The following LRRC4C variants were observed in gnomAD, a reference collection of about 807,000 sequenced individuals.
LRRC4C encodes the protein leucine-rich repeat-containing protein 4C.
Under a neutral mutation model 33.6 loss-of-function variants are expected in LRRC4C, and 5 were observed. That is an observed-to-expected ratio of 0.15 (90% CI 0.08 to 0.31). The LOEUF (loss-of-function observed/expected upper bound fraction) is 0.31, where lower values mean the gene tolerates loss of function less well. Ranked by LOEUF, LRRC4C falls within the 10% of genes least tolerant of loss-of-function variation. LRRC4C has a pLI of 1.00. For missense variants in LRRC4C, 560 were observed against 796.7 expected, an observed-to-expected ratio of 0.70 and a Z score of 3.58; for synonymous variants, 329 against 302.0, an observed-to-expected ratio of 1.09 and a Z score of -0.93.
At chr11:41,144,383 A>G (rs1943642962) in intron 1 of LRRC4C, among the ~76,000 whole-genome samples, 6 of 152,174 alleles carry the variant, frequency 3.9e-5, no homozygotes. Context: ...TTGATTCCTA[A>G]TATTTTTTTC....
At chr11:40,751,402 A>C (rs1333415627) in intron 2 of LRRC4C, among the ~76,000 whole-genome samples, 1 of 152,160 alleles carries the variant, frequency 6.6e-6, no homozygotes, top group Non-Finnish European at 1.5e-5. Context: ...ATAGCTGATA[A>C]GCAAATTCAG....
In LRRC4C at chr11:40,898,353, C is replaced by CAAAAAAAAAAAAAAAAAAAAAAAAA. The variant is rs765252333; in HGVS notation, c.-407+35281_-407+35282insTTTTTTTTTTTTTTTTTTTTTTTTT. Among the ~76,000 whole-genome samples, 36 of 38,326 alleles carry CAAAAAAAAAAAAAAAAAAAAAAAAA rather than the reference C, an allele frequency of 9.4e-4. 1 individual carries two copies. The highest frequency in any genetic ancestry group is 2.9e-3 in the African/African-American group (28 of 9,568). The allele number at this position is 38,326 out of a possible 152,430, so 25.1% of individuals were successfully genotyped here. A position where few individuals can be genotyped will look rare whatever the true frequency, so the allele number is the denominator to read the frequency against. On this transcript the variant is annotated intron_variant, in intron 2 of 6. Coordinates refer to ENST00000528697, the MANE Select transcript of LRRC4C (RefSeq NM_001258419.2). Reference sequence around the variant, plus strand: ...GGGCAACAAGAGTGAAACTCCATCTCAAAAAAAAAAAAAAAAAAAGAAAAA... The same window carrying CAAAAAAAAAAAAAAAAAAAAAAAAA: ...GGGCAACAAGAGTGAAACTCCATCTCAAAAAAAAAAAAAAAAAAAAAAAAAAAAAAAAAAAAAAAAAAAAGAAAAA...
chr11:41,242,204 G>T, intron 1 of LRRC4C, among the ~76,000 whole-genome samples: 1 of 152,054 alleles, frequency 6.6e-6, no homozygotes, highest in East Asian at 1.9e-4. Flanking sequence ...TTCCAGTGTT[G>T]ATTTTTTTTT....
intron 5 of LRRC4C, among the ~76,000 whole-genome samples, chr11:40,214,522 A>C (rs908124862): frequency 6.6e-6 from 1 of 152,144 alleles, no homozygotes; most frequent in African/African-American, 2.4e-5. Flanking sequence ...AAAGCCCAAA[A>C]GTTACTGTAT....
intron 2 of LRRC4C, among the ~76,000 whole-genome samples, chr11:40,763,264 T>C (rs1949309713): frequency 6.6e-6 from 1 of 152,010 alleles, no homozygotes; most frequent in South Asian, 2.1e-4. Context: ...TTTAAATCCA[T>C]CCCATCTGGT....
At chr11:40,584,840 G>C (rs1169809162) in intron 3 of LRRC4C, among the ~76,000 whole-genome samples, 1 of 151,838 alleles carries the variant, frequency 6.6e-6, no homozygotes, top group South Asian at 2.1e-4. Context: ...GCTGAGGCAG[G>C]AGAATTGCTT....
At chr11:40,814,481 A>G (rs1951626010) in intron 2 of LRRC4C, among the ~76,000 whole-genome samples, 1 of 151,946 alleles carries the variant, frequency 6.6e-6, no homozygotes. Flanking sequence ...CTGTGATGGG[A>G]GGGGCTGCTG....
chr11:41,099,736 A>G (rs1309740844), intron 1 of LRRC4C, among the ~76,000 whole-genome samples: 1 of 152,320 alleles, frequency 6.6e-6, no homozygotes, highest in East Asian at 1.9e-4. Flanking sequence ...TGAACATCAC[A>G]CTAAATAGGC....
intron 1 of LRRC4C, among the ~76,000 whole-genome samples, chr11:41,004,577 G>A (rs1398824654): frequency 6.6e-6 from 1 of 152,140 alleles, no homozygotes; most frequent in East Asian, 1.9e-4. Context: ...TTTCTTAGAT[G>A]ATATATTCTT....
chr11:40,295,551 A>G (rs534588412), intron 4 of LRRC4C, among the ~76,000 whole-genome samples: 1 of 151,978 alleles, frequency 6.6e-6, no homozygotes, highest in Non-Finnish European at 1.5e-5. Flanking sequence ...ACAAAATGCT[A>G]TTTTTTTCCT....
chr11:41,396,572 T>C (rs1348359486), intron 1 of LRRC4C, among the ~76,000 whole-genome samples: 3 of 152,044 alleles, frequency 2.0e-5, no homozygotes, highest in Non-Finnish European at 4.4e-5. Context: ...ATGAGAAACA[T>C]GTAGTGAATG....
chr11:40,805,047 C>A (rs1291796416), intron 2 of LRRC4C, among the ~76,000 whole-genome samples: 9 of 152,282 alleles, frequency 5.9e-5, no homozygotes, highest in Non-Finnish European at 1.3e-4. Context: ...AAGTATAAAA[C>A]CTATCCCTCC....
intron 1 of LRRC4C, among the ~76,000 whole-genome samples, chr11:41,377,085 C>T (rs1024234520): frequency 6.6e-6 from 1 of 152,120 alleles, no homozygotes; most frequent in African/African-American, 2.4e-5. Flanking sequence ...ATGCAGTTAT[C>T]CAGGGAATCA....
intron 2 of LRRC4C, among the ~76,000 whole-genome samples, chr11:40,652,219 G>T (rs1942852268): frequency 1.3e-5 from 2 of 152,060 alleles, no homozygotes; most frequent in African/African-American, 4.8e-5. Context: ...CTTTAGTGAG[G>T]GTTGCCTTGC....
At chr11:41,106,135 C>T (rs2135661966) in intron 1 of LRRC4C, among the ~76,000 whole-genome samples, 2 of 152,188 alleles carry the variant, frequency 1.3e-5, no homozygotes, top group South Asian at 4.1e-4. Flanking sequence ...AGTGACAGAA[C>T]TAAGTATCAA....
chr11:40,730,277 A>C (rs1947497919), intron 2 of LRRC4C, among the ~76,000 whole-genome samples: 1 of 152,182 alleles, frequency 6.6e-6, no homozygotes, highest in South Asian at 2.1e-4. Context: ...AAAAACTTCA[A>C]ATATTAAGGA....
intron 1 of LRRC4C, among the ~76,000 whole-genome samples, chr11:41,396,386 A>C (rs935018171): frequency 1.8e-4 from 27 of 152,018 alleles, no homozygotes; most frequent in Non-Finnish European, 3.4e-4. Context: ...ATTAAAGTGC[A>C]GAGTTTAGAT....
intron 1 of LRRC4C, among the ~76,000 whole-genome samples, chr11:41,319,579 G>A (rs1950895313): frequency 6.6e-6 from 1 of 152,150 alleles, no homozygotes; most frequent in Admixed American, 6.5e-5. Flanking sequence ...ATCTCACTCT[G>A]TCACCCAGGC....
chr11:40,225,454 T>C (rs1381435288), intron 5 of LRRC4C, among the ~76,000 whole-genome samples: 1 of 152,186 alleles, frequency 6.6e-6, no homozygotes, highest in African/African-American at 2.4e-5. Flanking sequence ...GTGAGGTAAG[T>C]ATGGTAATAT....
Sources: gnomAD v4.1 joint callset for allele counts (sites outside exome capture counted in the v4.1 genomes callset) on GRCh38, gnomAD v4.1.1 for gene constraint, MANE v1.5 for transcripts, NCBI Gene and HGNC (gene_info 2026-07-23, HGNC 2026-07-21) for gene names.